The following LRRC37A2 variants were observed in gnomAD, a reference collection of about 807,000 sequenced individuals.
LRRC37A2 encodes the protein leucine rich repeat containing 37 member A2, also known as leucine-rich repeat-containing protein 37A2.
LRRC37A2 carries 9 observed loss-of-function variants against 68.8 expected under a neutral mutation model. The observed-to-expected ratio is 0.13, with a 90% CI of 0.08 to 0.23. The LOEUF is 0.23. LRRC37A2 is among the 10% of genes least tolerant of loss of function. The probability of loss-of-function intolerance (pLI) is 1.00; values close to 1 mark genes in which losing one functional copy is unlikely to be tolerated. For synonymous variants in LRRC37A2, 63 were observed against 367.6 expected (o/e 0.17, Z 9.48); for missense variants, 168 against 950.4 (o/e 0.18, Z 10.82).
the LRRC37A2 span, among the ~76,000 whole-genome samples, chr17:46,980,313 CCTT>C: frequency 7.9e-5 from 12 of 151,158 alleles, no homozygotes; most frequent in Middle Eastern, 3.4e-3. Context: ...GTTTTTCTTT[CCTT>C]CTTCTTCCTT....
the LRRC37A2 span, among the ~76,000 whole-genome samples, chr17:46,888,803 C>A: frequency 6.6e-6 from 1 of 152,140 alleles, no homozygotes. Context: ...TTCTGAGCAC[C>A]ACCAATGCAC....
the LRRC37A2 span, among the ~76,000 whole-genome samples, chr17:46,820,730 C>T: frequency 1.3e-5 from 2 of 152,148 alleles, no homozygotes; most frequent in Non-Finnish European, 2.9e-5. Flanking sequence ...TGGATGGAGG[C>T]CTGCTAGGTC....
chr17:46,788,588 C>T, the LRRC37A2 span, among the ~76,000 whole-genome samples: 1 of 152,216 alleles, frequency 6.6e-6, no homozygotes, highest in African/African-American at 2.4e-5. Context: ...GGCCATTTCC[C>T]CAGCTCTTAT....
chr17:46,834,839 C>G, the LRRC37A2 span, among the ~76,000 whole-genome samples: 1 of 152,198 alleles, frequency 6.6e-6, no homozygotes, highest in African/African-American at 2.4e-5. Context: ...TTCTGTTTCT[C>G]TAGCTTGTTC....
chr17:46,939,010 T>C, the LRRC37A2 span: 1 of 1,335,630 alleles, frequency 7.5e-7, no homozygotes, highest in Admixed American at 2.7e-5. Flanking sequence ...TCTCTCTCAC[T>C]CTCGCTCTCA....
At chr17:47,039,130 A>G in the LRRC37A2 span, among the ~76,000 whole-genome samples, 4 of 151,526 alleles carry the variant, frequency 2.6e-5, no homozygotes, top group African/African-American at 9.7e-5. Context: ...TTTGACAGGT[A>G]TAGAATTATT....
At chr17:46,946,797 A>T in the LRRC37A2 span, among the ~76,000 whole-genome samples, 1 of 152,218 alleles carries the variant, frequency 6.6e-6, no homozygotes, top group Non-Finnish European at 1.5e-5. Context: ...CAGGAGGCAG[A>T]GGTTGCAGTG....
At chr17:46,631,066 A>ACACG in the LRRC37A2 span, among the ~76,000 whole-genome samples, 1 of 143,086 alleles carries the variant, frequency 7.0e-6, no homozygotes, top group Non-Finnish European at 1.5e-5. Context: ...CTCTGTACAC[A>ACACG]CACACACACA....
chr17:46,814,663 C>A, the LRRC37A2 span, among the ~76,000 whole-genome samples: 1 of 152,228 alleles, frequency 6.6e-6, no homozygotes, highest in Non-Finnish European at 1.5e-5. Flanking sequence ...CCAGCCCCAG[C>A]GAGCTGTAAT....
At chr17:46,875,213 G>C in the LRRC37A2 span, 4 of 1,614,184 alleles carry the variant, frequency 2.5e-6, no homozygotes, top group Non-Finnish European at 3.4e-6. Context: ...ATGACTCTCC[G>C]GGGCTGGAGA....
At chr17:47,011,745 A>G in the LRRC37A2 span, among the ~76,000 whole-genome samples, 1 of 151,944 alleles carries the variant, frequency 6.6e-6, no homozygotes, top group Non-Finnish European at 1.5e-5. Context: ...TTTGAGCAAT[A>G]CAGACCAGTA....
At chr17:47,000,066 AAATAAAATAAAAAATAAAATAAAAT>A in the LRRC37A2 span, among the ~76,000 whole-genome samples, 42 of 23,038 alleles carry the variant, frequency 1.8e-3, 3 homozygotes, top group African/African-American at 2.1e-3. Flanking sequence ...AATAAAATTA[AAATAAAATAAAAAATAAAATAAAAT>A]AAAATAAAAT....
At chr17:47,004,545 G>A in the LRRC37A2 span, among the ~76,000 whole-genome samples, 25 of 152,324 alleles carry the variant, frequency 1.6e-4, no homozygotes, top group African/African-American at 6.0e-4. Flanking sequence ...ATGCTTTCTT[G>A]AGACAGGGTC....
the LRRC37A2 span, among the ~76,000 whole-genome samples, chr17:46,913,948 T>C: frequency 6.6e-6 from 1 of 151,944 alleles, no homozygotes; most frequent in African/African-American, 2.4e-5. Flanking sequence ...TTAGTAGAGA[T>C]GGGTTTCACC....
the LRRC37A2 span, among the ~76,000 whole-genome samples, chr17:46,850,180 C>T: frequency 6.6e-6 from 1 of 152,188 alleles, no homozygotes; most frequent in Non-Finnish European, 1.5e-5. Flanking sequence ...CACAAAAATC[C>T]TGTTAGATAT....
At chr17:46,918,596 GACACACACAC>G in the LRRC37A2 span, among the ~76,000 whole-genome samples, 6,690 of 146,708 alleles carry the variant, frequency 0.046, 167 homozygotes, top group Middle Eastern at 0.14. Context: ...ATAGCAGGCA[GACACACACAC>G]ACACACACAC....
chr17:46,568,515 G>T, the LRRC37A2 span, among the ~76,000 whole-genome samples: 715 of 108,352 alleles, frequency 6.6e-3, 85 homozygotes, highest in African/African-American at 0.026. Context: ...AAAAAAAAGA[G>T]GGGGGGAGGC....
the LRRC37A2 span, chr17:46,978,584 G>C: frequency 6.6e-7 from 1 of 1,523,192 alleles, no homozygotes; most frequent in African/African-American, 1.4e-5. Context: ...AGCGGGGCGA[G>C]GGTCCGGGTC....
chr17:46,849,410 G>A, the LRRC37A2 span, among the ~76,000 whole-genome samples: 26 of 152,332 alleles, frequency 1.7e-4, no homozygotes, highest in African/African-American at 6.0e-4. Flanking sequence ...GAGCAGCTGG[G>A]CAGCCTGAGC....
Sources: gnomAD v4.1 joint callset for allele counts (sites outside exome capture counted in the v4.1 genomes callset) on GRCh38, gnomAD v4.1.1 for gene constraint, MANE v1.5 for transcripts, NCBI Gene and HGNC (gene_info 2026-07-23, HGNC 2026-07-21) for gene names.